Variants in PCLO observed in about 807,000 individuals in gnomAD.
PCLO encodes the protein protein piccolo.
A neutral mutation model predicts 427.5 loss-of-function variants in PCLO; 82 were observed. That is an observed-to-expected ratio of 0.19 (90% CI 0.16 to 0.23). PCLO has a LOEUF of 0.23. Ranked by LOEUF, PCLO falls within the 10% of genes least tolerant of loss-of-function variation. The pLI, the probability that PCLO is intolerant of heterozygous loss-of-function variation, is 1.00. For synonymous variants in PCLO, 2,357 were observed against 2,155.4 expected (o/e 1.09, Z -2.59); for missense variants, 6,239 against 6,115.9 (o/e 1.02, Z -0.67).
intron 3 of PCLO, among the ~76,000 whole-genome samples, chr7:83,076,151 G>A (rs995860903): frequency 1.3e-5 from 2 of 149,306 alleles, no homozygotes; most frequent in East Asian, 3.9e-4. Context: ...CATACCTTTC[G>A]CAAGTCTCCT....
In PCLO at chr7:83,115,099, G is replaced by A. The variant is rs114874281; in HGVS notation, c.3300+19151C>T. Among the ~76,000 whole-genome samples the A allele has an allele frequency of 5.2e-3, 791 of 152,026 alleles. 9 individuals carry two copies. Among genetic ancestry groups the A allele is most frequent in the African/African-American group, 0.018 (745 of 41,500 alleles). On this transcript the variant is annotated intron_variant, in intron 3 of 24. Coordinates refer to ENST00000333891, the MANE Select transcript of PCLO (RefSeq NM_033026.6). ...TAGGACATGTTAATGGATGTCAGAC[G>A]TCCACAGAGTTTCATGAATGCTATG...
At chr7:82,819,663 G>A (rs1791749371) in intron 20 of PCLO, among the ~76,000 whole-genome samples, 1 of 152,080 alleles carries the variant, frequency 6.6e-6, no homozygotes, top group Admixed American at 6.6e-5. Flanking sequence ...TAATGTTTAA[G>A]CTGATTGTTT....
At position 82,916,035 on chromosome 7, in the gene PCLO, T is replaced by C. The variant is rs1794451819; in HGVS notation, c.11951A>G (p.Gln3984Arg). The C allele has an allele frequency of 6.2e-7, 1 of 1,612,946 alleles. No homozygotes were observed. Among genetic ancestry groups the C allele is most frequent in the Non-Finnish European group, 8.5e-7 (1 of 1,179,766 alleles). Residue 3984 changes from glutamine (Q) to arginine (R), a missense_variant, in exon 7 of 25, where the codon CAA (glutamine) becomes CGA (arginine). Physicochemically the swap from Gln to Arg is conservative, Grantham distance 43. Around this residue, in one of 5 missense-constraint regions of PCLO, gnomAD observed 680 missense variants for 677.3 expected, o/e 1.00. Coordinates refer to ENST00000333891, the MANE Select transcript of PCLO (RefSeq NM_033026.6). ...ITSNYEVIRN[Q>R]PLMIAPVSTD... is the part of the protein sequence containing the mutation. ...AGAAACAGGTGCTATCATAAGGGGTTGGTTGCGAATCACTTCATAGTTTGA... is the reference window on the plus strand; with the variant it reads ...AGAAACAGGTGCTATCATAAGGGGTCGGTTGCGAATCACTTCATAGTTTGA...
At chr7:82,850,069 C>T (rs1792610112) in intron 10 of PCLO, among the ~76,000 whole-genome samples, 1 of 152,018 alleles carries the variant, frequency 6.6e-6, no homozygotes, top group African/African-American at 2.4e-5. Flanking sequence ...AGTGCAGTGG[C>T]ACAATCTTGG....
intron 10 of PCLO, among the ~76,000 whole-genome samples, chr7:82,872,542 A>G (rs546631789): frequency 6.6e-6 from 1 of 152,224 alleles, no homozygotes; most frequent in South Asian, 2.1e-4. Context: ...TGGAAAAAAA[A>G]ACAAACTAGT....
intron 3 of PCLO, among the ~76,000 whole-genome samples, chr7:82,977,046 T>A (rs1796032507): frequency 2.0e-5 from 3 of 152,008 alleles, no homozygotes; most frequent in Non-Finnish European, 4.4e-5. Flanking sequence ...AAATTAGATA[T>A]AAAATAAAAA....
chr7:82,772,555 A>C (rs1026597379), intron 22 of PCLO, among the ~76,000 whole-genome samples: 1 of 152,134 alleles, frequency 6.6e-6, no homozygotes, highest in Non-Finnish European at 1.5e-5. Context: ...ATTCAACGAG[A>C]TATTTTATAC....
At chr7:82,826,967 C>G (rs1706925050) in intron 17 of PCLO, among the ~76,000 whole-genome samples, 1 of 151,842 alleles carries the variant, frequency 6.6e-6, no homozygotes, top group Non-Finnish European at 1.5e-5. Flanking sequence ...TATAAATACT[C>G]TAAATATAAG....
chr7:83,139,696 C>T (rs1791816959), intron 2 of PCLO, among the ~76,000 whole-genome samples: 1 of 152,080 alleles, frequency 6.6e-6, no homozygotes, highest in Admixed American at 6.5e-5. Context: ...CATCTTTTGT[C>T]CTTTAAATGA....
Position 82,954,574 on chromosome 7 carries a change from T to C in PCLO, c.6379A>G (p.Ile2127Val). 1.9e-6 allele frequency: 3 copies of C among 1,613,914 alleles called. No individual in the cohort carries two copies. Among genetic ancestry groups the C allele is most frequent in the Middle Eastern group, 1.6e-4 (1 of 6,062 alleles). Residue 2127 changes from isoleucine (I) to valine (V), a missense_variant, in exon 5 of 25, where the codon ATC (isoleucine) becomes GTC (valine). By Grantham distance (29) the Ile-to-Val change is conservative. This residue lies in a region of PCLO where 4,677 missense variants were observed against 4,468.4 expected (regional missense o/e 1.05). Coordinates refer to ENST00000333891, the MANE Select transcript of PCLO (RefSeq NM_033026.6). ...TDSTSSATLS[I>V]PDVKITQHFS... The stretch of plus-strand genomic sequence containing the variant: ...TGTTGGGTTATTTTAACATCTGGGA[T>C]AGAGAGTGTTGCACTGCTGGTCGAA...
At chr7:82,788,119 A>G (rs373557164) in intron 22 of PCLO, among the ~76,000 whole-genome samples, 2 of 150,978 alleles carry the variant, frequency 1.3e-5, no homozygotes, top group South Asian at 2.1e-4. Context: ...GGCTTCAACC[A>G]ATAAGTGTAT....
At position 83,051,859 on chromosome 7, in the gene PCLO, T is replaced by C. The variant is rs1208436545; in HGVS notation, c.3300+82391A>G. Among the ~76,000 whole-genome samples the C allele has an allele frequency of 8.5e-5, 13 of 152,178 alleles. No individual in the cohort carries two copies. In the South Asian group the frequency reaches 1.2e-3, roughly 15 times the overall value. On this transcript the variant is annotated intron_variant, in intron 3 of 24. Transcript: ENST00000333891. ...TGGTTTTGGCAAGAAAGACGACTCA[T>C]AGATCAATAGAACAAAATAGAGATC...
chr7:83,066,733 A>G (rs1789679268), intron 3 of PCLO, among the ~76,000 whole-genome samples: 1 of 152,176 alleles, frequency 6.6e-6, no homozygotes, highest in South Asian at 2.1e-4. Context: ...TTCTGTCAAG[A>G]TATCTCACTA....
chr7:82,942,399 T>A (rs913034173), intron 6 of PCLO, among the ~76,000 whole-genome samples: 16 of 152,188 alleles, frequency 1.1e-4, no homozygotes, highest in African/African-American at 3.6e-4. Flanking sequence ...CTTAGAATCA[T>A]GTTAATTTGC....
chr7:83,113,820 G>A (rs868597438), intron 3 of PCLO, among the ~76,000 whole-genome samples: 13 of 152,140 alleles, frequency 8.5e-5, no homozygotes, highest in African/African-American at 2.2e-4. Flanking sequence ...GTAAGAAAAC[G>A]TTACATTATG....
intron 6 of PCLO, among the ~76,000 whole-genome samples, chr7:82,924,810 A>T (rs1794676099): frequency 6.6e-6 from 1 of 152,096 alleles, no homozygotes; most frequent in African/African-American, 2.4e-5. Context: ...TAACTTAAGA[A>T]AAAAAGGAAT....
At position 83,013,585 on chromosome 7, in the gene PCLO, C is replaced by T. The variant is rs551097486; in HGVS notation, c.3301-47098G>A. On this transcript the variant is annotated intron_variant, in intron 3 of 24. Transcript: ENST00000333891. Reference sequence around the variant, plus strand: ...AGCTGAACGCTTGATGACAGAGATGCCAATCTAAATAAGGCACATCCCTGA... The same window carrying T: ...AGCTGAACGCTTGATGACAGAGATGTCAATCTAAATAAGGCACATCCCTGA... 2.1e-4 allele frequency among the ~76,000 whole-genome samples: 32 copies of T among 152,230 alleles called. 1 individual carries two copies. The South Asian group carries it at 6.6e-3, about 32-fold the overall frequency.
chr7:83,131,312 C>T (rs1791566067), intron 3 of PCLO, among the ~76,000 whole-genome samples: 1 of 152,112 alleles, frequency 6.6e-6, no homozygotes, highest in Non-Finnish European at 1.5e-5. Flanking sequence ...CACCCCAGGG[C>T]CTGCAGGCAG....
chr7:83,019,810 A>C (rs1337991942), intron 3 of PCLO, among the ~76,000 whole-genome samples: 2 of 152,104 alleles, frequency 1.3e-5, no homozygotes, highest in Non-Finnish European at 2.9e-5. Flanking sequence ...TGACTAGAGA[A>C]TCCATCAGAC....
Sources: allele counts gnomAD v4.1 joint callset (sites outside exome capture counted in the v4.1 genomes callset), GRCh38; gene constraint gnomAD v4.1.1; regional missense constraint gnomAD v4.1.1; transcripts MANE v1.5; gene names NCBI Gene and HGNC (gene_info 2026-07-23, HGNC 2026-07-21).